FER1L6: variants seen among roughly 807,000 people sequenced by gnomAD.
The protein encoded by FER1L6 is fer-1-like protein 6.
Under a neutral mutation model 219.2 loss-of-function variants are expected in FER1L6, and 177 were observed. The ratio of observed to expected loss-of-function variants is 0.81; its 90% CI spans 0.71 to 0.91. The LOEUF (loss-of-function observed/expected upper bound fraction) is 0.91, where lower values mean the gene tolerates loss of function less well. Ranked by LOEUF, FER1L6 falls within the 40% of genes least tolerant of loss-of-function variation. The pLI is 0.00. For missense variants in FER1L6, 2,153 were observed against 2,259.9 expected (o/e 0.95, Z 0.96); for synonymous variants, 768 against 824.3 (o/e 0.93, Z 1.17).
At chr8:124,060,360 A>G in intron 23 of FER1L6, 70 bp downstream of exon 23, 1 of 1,505,092 alleles carries the variant, frequency 6.6e-7, no homozygotes, top group Middle Eastern at 1.7e-4. Flanking sequence ...GAATTGTAGG[A>G]GAGGTGATAT....
intron 13 of FER1L6, among the ~76,000 whole-genome samples, chr8:124,004,641 C>A (rs1817576612): frequency 6.6e-6 from 1 of 152,208 alleles, no homozygotes; most frequent in South Asian, 2.1e-4. Flanking sequence ...AACTTTTCTT[C>A]TTTCCCTATT....
intron 18 of FER1L6, among the ~76,000 whole-genome samples, chr8:124,034,300 C>T (rs907346622): frequency 2.6e-5 from 4 of 152,170 alleles, no homozygotes; most frequent in Non-Finnish European, 5.9e-5. Context: ...TTGCTGGCAA[C>T]AGCCAAGACT....
chr8:123,940,399 G>A (rs961097462), intron 1 of FER1L6, among the ~76,000 whole-genome samples: 5 of 152,108 alleles, frequency 3.3e-5, no homozygotes, highest in Non-Finnish European at 7.4e-5. Flanking sequence ...GTGCAATGGT[G>A]CGATCTCAGC....
chr8:124,027,671 C>CA (rs1188952302), intron 18 of FER1L6, among the ~76,000 whole-genome samples: 2 of 152,194 alleles, frequency 1.3e-5, no homozygotes, highest in African/African-American at 4.8e-5. Flanking sequence ...GCAATCCTCC[C>CA]ACCTTAGCCT....
intron 2 of FER1L6, among the ~76,000 whole-genome samples, chr8:123,960,850 G>T (rs1815240172): frequency 6.6e-6 from 1 of 152,080 alleles, no homozygotes; most frequent in Non-Finnish European, 1.5e-5. Flanking sequence ...ACATTTACAG[G>T]CTTCAGAGAT....
chr8:124,032,765 G>T (rs1475309949), intron 18 of FER1L6, among the ~76,000 whole-genome samples: 2 of 152,102 alleles, frequency 1.3e-5, no homozygotes, highest in Non-Finnish European at 2.9e-5. Context: ...GGGATAAAAA[G>T]AAAAGAAAAC....
intron 1 of FER1L6, among the ~76,000 whole-genome samples, chr8:123,854,302 A>G (rs925600195): frequency 2.0e-5 from 3 of 152,136 alleles, no homozygotes; most frequent in African/African-American, 7.2e-5. Flanking sequence ...GGGTGTTGAT[A>G]CCCTCTAGAT....
At chr8:123,884,975 A>G (rs1464215475) in intron 1 of FER1L6, among the ~76,000 whole-genome samples, 1 of 152,182 alleles carries the variant, frequency 6.6e-6, no homozygotes. Flanking sequence ...CCCTAAATCC[A>G]ACTAGAGTGT....
At chr8:123,854,141 G>A (rs576163921) in intron 1 of FER1L6, among the ~76,000 whole-genome samples, 118 of 152,256 alleles carry the variant, frequency 7.8e-4, no homozygotes, top group African/African-American at 2.2e-3. Flanking sequence ...ATGATGCCAC[G>A]GCAATTATAA....
intron 32 of FER1L6, among the ~76,000 whole-genome samples, chr8:124,081,770 G>A (rs570546459): frequency 6.6e-6 from 1 of 152,282 alleles, no homozygotes; most frequent in South Asian, 2.1e-4. Context: ...AAGCAACAAT[G>A]GAGGGGAAGG....
At chr8:123,854,650 G>A (rs1816596928) in intron 1 of FER1L6, among the ~76,000 whole-genome samples, 1 of 152,150 alleles carries the variant, frequency 6.6e-6, no homozygotes, top group Admixed American at 6.5e-5. Flanking sequence ...GTCTTCACAG[G>A]CCCTTCTCAT....
intron 39 of FER1L6, among the ~76,000 whole-genome samples, chr8:124,109,651 TC>T (rs1822932288): frequency 6.6e-6 from 1 of 152,208 alleles, no homozygotes; most frequent in South Asian, 2.1e-4. Flanking sequence ...TTCATTTCTA[TC>T]AACATAGTTT....
At chr8:124,084,426 T>G (rs956106579) in intron 33 of FER1L6, among the ~76,000 whole-genome samples, 1 of 152,124 alleles carries the variant, frequency 6.6e-6, no homozygotes, top group Non-Finnish European at 1.5e-5. Context: ...TGTTGAGCTA[T>G]GTCCCTTCTA....
At chr8:123,975,389 TG>T in intron 8 of FER1L6, 83 bp downstream of exon 8, 1 of 1,332,060 alleles carries the variant, frequency 7.5e-7, no homozygotes, top group Non-Finnish European at 1.0e-6. Flanking sequence ...ACTTTTCTTA[TG>T]GGTACATGAG....
chr8:123,996,014 A>G (rs540557404), intron 12 of FER1L6, among the ~76,000 whole-genome samples: 1 of 152,300 alleles, frequency 6.6e-6, no homozygotes. Flanking sequence ...TTGTAATCAG[A>G]GAATATACTT....
In FER1L6 at chr8:123,973,493, G is replaced by T; in HGVS notation, c.507G>T (p.Gly169=). 1 of 1,613,948 alleles carries T rather than the reference G, an allele frequency of 6.2e-7. No homozygotes were observed. The highest frequency in any genetic ancestry group is 2.2e-5 in the East Asian group (1 of 44,870). ...TTGGCTCTTTCAAAGTAGACCTGGG[G>T]ACCGTGTACAACCAACCTGGTAAGA... ...VLIGSFKVDL[G]TVYNQPGHQF... is the part of the protein sequence containing the mutation. The change falls in exon 7 of 41, where the codon GGG becomes GGT. Residue 169 remains glycine, a synonymous_variant. Coordinates refer to ENST00000522917, the MANE Select transcript of FER1L6 (RefSeq NM_001039112.2).
At chr8:124,100,639 C>A (rs13263969) in intron 37 of FER1L6, among the ~76,000 whole-genome samples, 128,499 of 152,054 alleles carry the variant, frequency 0.85, 54,384 homozygotes, top group African/African-American at 0.86. Context: ...GTCTGACAAC[C>A]CAAGCCTATA....
intron 33 of FER1L6, 82 bp downstream of exon 33, chr8:124,082,540 T>C (rs564341699): frequency 7.4e-7 from 1 of 1,346,496 alleles, no homozygotes; most frequent in African/African-American, 1.5e-5. Context: ...ATCCCAGTTG[T>C]CCATCTCTAG....
Position 123,966,242 on chromosome 8 carries a change from G to C in FER1L6, c.336G>C (p.Lys112Asn). ...TGACCATTGAGATTGGGGATGAGAA[G>C]AAGCAAAGCACAGTGAAGGAAGGAA... ...PVVTIEIGDE[K>N]KQSTVKEGTN... The change falls in exon 5 of 41, where the codon AAG becomes AAC. Residue 112 changes from lysine (K) to asparagine (N), a missense_variant. By Grantham distance (94) the Lys-to-Asn change is moderately conservative (BLOSUM62 0). Transcript: ENST00000522917. The C allele has an allele frequency of 6.2e-7, 1 of 1,614,178 alleles. No individual in the cohort carries two copies. Among genetic ancestry groups the C allele is most frequent in the Non-Finnish European group, 8.5e-7 (1 of 1,180,016 alleles).
Sources: gnomAD v4.1 joint callset for allele counts (sites outside exome capture counted in the v4.1 genomes callset) on GRCh38, gnomAD v4.1.1 for gene constraint, MANE v1.5 for transcripts, NCBI Gene and HGNC (gene_info 2026-07-23, HGNC 2026-07-21) for gene names.